The following DPP10 variants were observed in gnomAD, a reference collection of about 807,000 sequenced individuals.
DPP10 encodes dipeptidyl peptidase like 10, also known as inactive dipeptidyl peptidase 10.
Under a neutral mutation model 120.9 loss-of-function variants are expected in DPP10, and 33 were observed. The ratio of observed to expected loss-of-function variants is 0.27; its 90% confidence interval spans 0.21 to 0.37. The LOEUF (loss-of-function observed/expected upper bound fraction) is 0.37, where lower values mean the gene tolerates loss of function less well. Ranked by LOEUF, DPP10 falls within the 10% of genes least tolerant of loss-of-function variation. DPP10 has a pLI of 1.00. For missense variants in DPP10, 816 were observed against 942.8 expected (o/e 0.87, Z 1.76); for synonymous variants, 337 against 326.1 (o/e 1.03, Z -0.36).
chr2:114,929,735 G>A (rs112596140), intron 1 of DPP10, among the ~76,000 whole-genome samples: 107 of 152,156 alleles, frequency 7.0e-4, no homozygotes, highest in African/African-American at 1.8e-3. Context: ...GTCCTGAGGC[G>A]ACATACATCT....
intron 1 of DPP10, among the ~76,000 whole-genome samples, chr2:114,596,079 G>A (rs2105194251): frequency 6.6e-6 from 1 of 152,108 alleles, no homozygotes; most frequent in South Asian, 2.1e-4. Flanking sequence ...CTCCTGAGTT[G>A]CCTAATTTCA....
chr2:115,376,147 TTGTC>T lies in DPP10; in HGVS notation c.271+32238_271+32241del, dbSNP rs559205865. 4.6e-5 allele frequency among the ~76,000 whole-genome samples: 7 copies of T among 152,324 alleles called. No homozygotes were observed. The South Asian group carries it at 1.5e-3, about 32-fold the overall frequency. ...AGCAAGGTATAAAACAAATATTCATTTGTCTGCTTGTTTGTTTGAAGACTAGAGA... is the reference window on the plus strand; with the variant it reads ...AGCAAGGTATAAAACAAATATTCATTTGCTTGTTTGTTTGAAGACTAGAGA... On this transcript the variant is annotated intron_variant, in intron 3 of 25. Coordinates refer to ENST00000410059, the MANE Select transcript of DPP10 (RefSeq NM_020868.6).
At chr2:115,503,383 C>A (rs1483714251) in intron 4 of DPP10, among the ~76,000 whole-genome samples, 1 of 152,112 alleles carries the variant, frequency 6.6e-6, no homozygotes, top group Non-Finnish European at 1.5e-5. Context: ...AGATCCAACT[C>A]TGTACCGCTG....
chr2:115,346,250 A>ATATC (rs2063706506), intron 3 of DPP10, among the ~76,000 whole-genome samples: 1 of 152,238 alleles, frequency 6.6e-6, no homozygotes, highest in African/African-American at 2.4e-5. Context: ...ATCAACAGTT[A>ATATC]TATCTAAATG....
rs116237480 is a variant in DPP10 at position 114,952,745 on chromosome 2, A to G, written c.61-356494A>G. On this transcript the variant is annotated intron_variant, in intron 1 of 25. Transcript: ENST00000410059. ...AAAAAATACACACAAGATATACTCT[A>G]TCAGGAGGAGGTAAAATTTGGCCAG... Among the ~76,000 whole-genome samples the G allele has an allele frequency of 2.5e-3, 385 of 152,312 alleles. 1 individual carries two copies. Among genetic ancestry groups the G allele is most frequent in the African/African-American group, 8.9e-3 (369 of 41,556 alleles).
chr2:114,585,456 A>G (rs1412871533), intron 1 of DPP10, among the ~76,000 whole-genome samples: 1 of 152,186 alleles, frequency 6.6e-6, no homozygotes. Flanking sequence ...TTTAAGGTCA[A>G]CTGACTTGGA....
chr2:114,999,020 T>G (rs1282878853), intron 1 of DPP10, among the ~76,000 whole-genome samples: 1 of 152,214 alleles, frequency 6.6e-6, no homozygotes, highest in Non-Finnish European at 1.5e-5. Flanking sequence ...TTCTGTAAAA[T>G]GCAAATTGTC....
At chr2:115,437,628 A>C (rs573968143) in intron 3 of DPP10, among the ~76,000 whole-genome samples, 4 of 152,220 alleles carry the variant, frequency 2.6e-5, no homozygotes, top group African/African-American at 9.6e-5. Context: ...GCTGGATAGG[A>C]AAACAGGTGG....
intron 1 of DPP10, among the ~76,000 whole-genome samples, chr2:114,808,039 A>T (rs1050232157): frequency 6.6e-6 from 1 of 152,200 alleles, no homozygotes; most frequent in Non-Finnish European, 1.5e-5. Context: ...CAAGTGGCTC[A>T]ATACTCCAAG....
At chr2:115,534,276 A>G (rs887631444) in intron 5 of DPP10, among the ~76,000 whole-genome samples, 1 of 151,890 alleles carries the variant, frequency 6.6e-6, no homozygotes, top group African/African-American at 2.4e-5. Context: ...GCACCCCACA[A>G]CAGTCCCTAG....
intron 1 of DPP10, among the ~76,000 whole-genome samples, chr2:114,547,397 A>G (rs1687505377): frequency 6.6e-6 from 1 of 152,206 alleles, no homozygotes; most frequent in Admixed American, 6.5e-5. Context: ...GACATTAAAT[A>G]GCAAACAAAA....
At chr2:114,618,810 G>C (rs1214152190) in intron 1 of DPP10, among the ~76,000 whole-genome samples, 1 of 151,894 alleles carries the variant, frequency 6.6e-6, no homozygotes. Context: ...GTAAAATATT[G>C]AATCAAATAC....
At chr2:114,634,424 AGGCAGAGG>A (rs1447572179) in intron 1 of DPP10, among the ~76,000 whole-genome samples, 1 of 151,724 alleles carries the variant, frequency 6.6e-6, no homozygotes, top group African/African-American at 2.4e-5. Flanking sequence ...TTGGTGAATG[AGGCAGAGG>A]AGTTATTTGC....
At chr2:115,783,287 C>T (rs1030870379) in intron 17 of DPP10, among the ~76,000 whole-genome samples, 1 of 152,076 alleles carries the variant, frequency 6.6e-6, no homozygotes, top group African/African-American at 2.4e-5. Context: ...CAGAGTCATA[C>T]TAATAAATGG....
chr2:115,017,678 A>G (rs1378395956), intron 1 of DPP10, among the ~76,000 whole-genome samples: 2 of 152,174 alleles, frequency 1.3e-5, no homozygotes, highest in African/African-American at 4.8e-5. Flanking sequence ...CAGCCATAAA[A>G]AAATGATGAG....
intron 1 of DPP10, chr2:114,835,062 G>GTA (rs1435404997): frequency 6.7e-6 from 1 of 148,398 alleles, no homozygotes; most frequent in Non-Finnish European, 1.5e-5. Flanking sequence ...ACACACCTAT[G>GTA]TATATATAAG....
chr2:115,659,342 C>G (rs72828506), intron 5 of DPP10, among the ~76,000 whole-genome samples: 29,386 of 151,904 alleles, frequency 0.19, 3,999 homozygotes, highest in East Asian at 0.52. Context: ...CCCCATTTTC[C>G]TACCAACCTC....
chr2:115,319,947 C>G (rs1334078327), intron 2 of DPP10, among the ~76,000 whole-genome samples: 1 of 152,034 alleles, frequency 6.6e-6, no homozygotes, highest in Non-Finnish European at 1.5e-5. Flanking sequence ...ATGGTAGGGC[C>G]CTAATAATTA....
chr2:115,509,400 TGAAAG>T, intron 4 of DPP10, among the ~76,000 whole-genome samples: 1 of 152,262 alleles, frequency 6.6e-6, no homozygotes, highest in Admixed American at 6.5e-5. Context: ...ATGACTTAAA[TGAAAG>T]GGGAGTTAAC....
Sources: allele counts gnomAD v4.1 joint callset (sites outside exome capture counted in the v4.1 genomes callset), GRCh38; gene constraint gnomAD v4.1.1; transcripts MANE v1.5; gene names NCBI Gene and HGNC (gene_info 2026-07-23, HGNC 2026-07-21).